CNOT3: variants seen among roughly 807,000 people sequenced by gnomAD.
CNOT3 encodes CCR4-NOT transcription complex subunit 3, also known as CCR4-associated factor 3.
CNOT3 carries 2 observed loss-of-function variants against 89.4 expected under a neutral mutation model. The ratio of observed to expected loss-of-function variants is 0.02; its 90% confidence interval spans 0.01 to 0.07. CNOT3 has a LOEUF of 0.07. CNOT3 is among the 10% of genes least tolerant of loss of function. The pLI is 1.00. For missense variants in CNOT3, 664 were observed against 1,010.2 expected (o/e 0.66, Z 4.65); for synonymous variants, 486 against 402.0 (o/e 1.21, Z -2.50).
chr19:54,155,305 C>T lies in CNOT3; in HGVS notation c.2164-4C>T. On this transcript the variant is annotated splice_polypyrimidine_tract_variant and splice_region_variant and intron_variant, in intron 17 of 17. Transcript: ENST00000221232. ...ACTCACTGACCGCCTTCTCCCCCGGCCAGGGCACCTACATCTACTTTGACT... is the reference window on the plus strand; with the variant it reads ...ACTCACTGACCGCCTTCTCCCCCGGTCAGGGCACCTACATCTACTTTGACT... 1 of 1,613,020 alleles carries T rather than the reference C, an allele frequency of 6.2e-7. No homozygotes were observed. Among genetic ancestry groups the T allele is most frequent in the Non-Finnish European group, 8.5e-7 (1 of 1,179,506 alleles).
rs2074615697 is a variant in CNOT3, at chr19:54,145,276, G to A, written c.484-322G>A. ...GGGCGGGCTCAGTTGAGAAATCTGGGCTGTCAGGTGAGGTGCAGATGGAGG... is the reference window on the plus strand; with the variant it reads ...GGGCGGGCTCAGTTGAGAAATCTGGACTGTCAGGTGAGGTGCAGATGGAGG... On this transcript the variant is annotated intron_variant, in intron 7 of 17. Coordinates refer to ENST00000221232, the MANE Select transcript of CNOT3 (RefSeq NM_014516.4). This position sits in a 1 kb window ranked among gnomAD's most constrained non-coding sequence, Gnocchi z 5.9. 6.6e-6 allele frequency among the ~76,000 whole-genome samples: 1 copy of A among 152,150 alleles called. No individual in the cohort carries two copies.
Position 54,137,910 on chromosome 19 carries a change from CCCGGGG to C in CNOT3, c.-132_-127del, listed in dbSNP as rs1353635458. ...CGCCGCTATCGCGATAGCGCCCGGG[CCCGGGG>C]CGCGAGAAAAAGGCGGCGGGCGCTC... On this transcript the variant is annotated 5_prime_UTR_variant, in exon 1 of 18. Transcript: ENST00000221232. The C allele has an allele frequency of 1.3e-5, 2 of 152,124 alleles. No individual in the cohort carries two copies. Among genetic ancestry groups the C allele is most frequent in the African/African-American group, 4.8e-5 (2 of 41,446 alleles). The allele number at this position is 152,124 out of a possible 1,614,324, so 9.4% of individuals were successfully genotyped here. A position where few individuals can be genotyped will look rare whatever the true frequency, so the allele number is the denominator to read the frequency against.
chr19:54,142,814 A>G, intron 1 of CNOT3, 115 bp from the exon 2 acceptor site: 1 of 691,882 alleles, frequency 1.4e-6, no homozygotes, highest in Non-Finnish European at 2.6e-6. Context: ...TCAGATAGCA[A>G]ATGCTTCTTC....
Position 54,144,853 on chromosome 19 carries a change from T to G in CNOT3, c.483+521T>G, listed in dbSNP as rs2074594835. On this transcript the variant is annotated intron_variant, in intron 7 of 17. Coordinates refer to ENST00000221232, the MANE Select transcript of CNOT3 (RefSeq NM_014516.4). The surrounding 1 kb of genome is among the most constrained non-coding windows in gnomAD (Gnocchi z 4.8). ...GGTATGAGTTCAAAGGGATACAAAC[T>G]GTACAGACTTGCTGAAACCAGAAAG... 6.6e-6 allele frequency among the ~76,000 whole-genome samples: 1 copy of G among 151,942 alleles called. No individual in the cohort carries two copies. Among genetic ancestry groups the G allele is most frequent in the South Asian group, 2.1e-4 (1 of 4,812 alleles).
In CNOT3 at chr19:54,146,677, G is replaced by C; in HGVS notation, c.894+20G>C. On this transcript the variant is annotated intron_variant, in intron 10 of 17. Transcript: ENST00000221232. ...AGCCAGGTGGGTGTGAGCCTGGACC[G>C]GGTGGGCACGCCATTCACTCCTCTG... The C allele has an allele frequency of 7.2e-7, 1 of 1,387,280 alleles. No homozygotes were observed. The allele number at this position is 1,387,280 out of a possible 1,614,324, so 85.9% of individuals were successfully genotyped here.
chr19:54,155,430 C>T lies in CNOT3; in HGVS notation c.*23C>T, dbSNP rs763276961. On this transcript the variant is annotated 3_prime_UTR_variant, in exon 18 of 18. Coordinates refer to ENST00000221232, the MANE Select transcript of CNOT3 (RefSeq NM_014516.4). The stretch of plus-strand genomic sequence containing the variant: ...TGACACCGGCCCCTCCCTCTACCCA[C>T]CCCCTTCCCCCGCATGCTGATCCCC... 6.1e-6 allele frequency: 9 copies of T among 1,474,018 alleles called. No individual in the cohort carries two copies. Among genetic ancestry groups the T allele is most frequent in the South Asian group, 3.6e-5 (3 of 83,012 alleles). 91.3% of individuals were successfully genotyped at this position (1,474,018 alleles called of 1,614,324 possible).
At position 54,145,590 on chromosome 19, in the gene CNOT3, G is replaced by T. The variant is rs767574789; in HGVS notation, c.484-8G>T. ...AGCCCCTGAGCCTGGCCCTGGGCTCGCCAGCAGAAGCAGGACCGGATTGAG... is the reference window on the plus strand; with the variant it reads ...AGCCCCTGAGCCTGGCCCTGGGCTCTCCAGCAGAAGCAGGACCGGATTGAG... On this transcript the variant is annotated splice_polypyrimidine_tract_variant and splice_region_variant and intron_variant, in intron 7 of 17. Transcript: ENST00000221232. The surrounding 1 kb of genome is among the most constrained non-coding windows in gnomAD (Gnocchi z 5.9). 2.5e-6 allele frequency: 4 copies of T among 1,610,074 alleles called. No individual in the cohort carries two copies. The highest frequency in any genetic ancestry group is 3.3e-5 in the Admixed American group (2 of 59,934).
At chr19:54,150,932 A>C (rs1298161274) in intron 13 of CNOT3, among the ~76,000 whole-genome samples, 1 of 151,992 alleles carries the variant, frequency 6.6e-6, no homozygotes, top group East Asian at 1.9e-4. Flanking sequence ...CTGGGATTAC[A>C]GGCGCCTGCC....
chr19:54,149,206 C>T (rs2074902589), intron 12 of CNOT3, among the ~76,000 whole-genome samples: 1 of 152,208 alleles, frequency 6.6e-6, no homozygotes, highest in South Asian at 2.1e-4. Flanking sequence ...AAAGGAAAGG[C>T]CTGCTTCCTG....
At position 54,147,227 on chromosome 19, in the gene CNOT3, C is replaced by T. The variant is rs140193109; in HGVS notation, c.894+570C>T. Among the ~76,000 whole-genome samples the T allele has an allele frequency of 1.8e-4, 28 of 152,350 alleles. No individual in the cohort carries two copies. In the East Asian group the frequency reaches 2.3e-3, roughly 13 times the overall value. ...TTTGACATCTCCCAGGACAGGAGCA[C>T]GCTTTCGGAAACGCTGCTACAGAAC... On this transcript the variant is annotated intron_variant, in intron 10 of 17. Transcript: ENST00000221232.
chr19:54,153,668 C>G (rs537749952), intron 16 of CNOT3, 47 bp from the exon 17 acceptor site: 1 of 1,527,256 alleles, frequency 6.5e-7, no homozygotes, highest in African/African-American at 1.4e-5. Context: ...GGCTCCCCAC[C>G]CAGTTTGGGG....
At chr19:54,146,525 GGCATT>G (rs1163243109) in intron 9 of CNOT3, 71 bp from the exon 10 acceptor site, 7 of 806,196 alleles carry the variant, frequency 8.7e-6, no homozygotes, top group Middle Eastern at 2.2e-4. Context: ...AGGTCCCCGG[GGCATT>G]CAGAGATTGG....
chr19:54,145,817 C>T lies in CNOT3; in HGVS notation c.703C>T (p.Pro235Ser), dbSNP rs375948136. Reference sequence around the variant, plus strand: ...CGATGACCTGGACCTCGAGGACATTCGTGAGGCCCTGGGGCTGATCGTGGC... The same window carrying T: ...CGATGACCTGGACCTCGAGGACATTTGTGAGGCCCTGGGGCTGATCGTGGC... ...LYDDLDLEDI[P>S]QALVATSPPS... Residue 235 changes from proline to serine, a missense_variant and splice_region_variant, in exon 8 of 18, where the codon CCA (proline) becomes TCA (serine). Physicochemically the swap from Pro to Ser is moderately conservative, Grantham distance 74. Transcript: ENST00000221232. The surrounding 1 kb of genome is among the most constrained non-coding windows in gnomAD (Gnocchi z 5.9). The T allele has an allele frequency of 3.1e-6, 5 of 1,610,744 alleles. No individual in the cohort carries two copies. The highest frequency in any genetic ancestry group is 4.2e-6 in the Non-Finnish European group (5 of 1,177,368).
intron 5 of CNOT3, 74 bp from the exon 6 acceptor site, chr19:54,143,932 C>T (rs1246602804): frequency 9.6e-6 from 15 of 1,564,152 alleles, no homozygotes; most frequent in Middle Eastern, 3.4e-4. Context: ...AGGCTCAGGT[C>T]GGAGTGTCTG....
At chr19:54,153,064 C>G in intron 16 of CNOT3, 65 bp downstream of exon 16, 2 of 1,542,780 alleles carry the variant, frequency 1.3e-6, no homozygotes, top group Non-Finnish European at 8.9e-7. Context: ...GCCGTCCCCC[C>G]TCGGGCTGGA....
intron 3 of CNOT3, 98 bp from the exon 4 acceptor site, chr19:54,143,344 G>GC (rs1337581045): frequency 1.5e-6 from 2 of 1,347,636 alleles, no homozygotes; most frequent in African/African-American, 1.4e-5. Context: ...GTAGGGGTTG[G>GC]GGGGGGTCCT....
rs779560502 is a variant in CNOT3, at chr19:54,154,085, C to T, written c.2163+245C>T. On this transcript the variant is annotated intron_variant, in intron 17 of 17. Transcript: ENST00000221232. ...CCAAATGTCCCTTCCTCAAAGAAAC[C>T]TTCCTGGAGCCACCCAGCCCAGTGC... 9 of 695,968 alleles carry T rather than the reference C, an allele frequency of 1.3e-5. No homozygotes were observed. The South Asian group carries it at 1.4e-4, about 10-fold the overall frequency. 43.1% of individuals were successfully genotyped at this position (695,968 alleles called of 1,614,324 possible). A position where few individuals can be genotyped will look rare whatever the true frequency, so the allele number is the denominator to read the frequency against.
At chr19:54,153,144 T>C (rs774043165) in intron 16 of CNOT3, 145 bp downstream of exon 16, 2 of 774,904 alleles carry the variant, frequency 2.6e-6, no homozygotes, top group Non-Finnish European at 4.7e-6. Flanking sequence ...CCTGGGCCCC[T>C]GCCCCAAATC....
rs1405260334 is a variant in CNOT3, at chr19:54,144,722, G to A, written c.483+390G>A. Among the ~76,000 whole-genome samples the A allele has an allele frequency of 6.6e-6, 1 of 152,202 alleles. No individual in the cohort carries two copies. The highest frequency in any genetic ancestry group is 2.4e-5 in the African/African-American group (1 of 41,444). ...TCCTAGGGAGAGCACAGTGGGTAGA[G>A]ACAAGGCAGAACATGGAGAAGGCAG... On this transcript the variant is annotated intron_variant, in intron 7 of 17. Transcript: ENST00000221232. The surrounding 1 kb of genome is among the most constrained non-coding windows in gnomAD (Gnocchi z 4.8).
Sources: allele counts gnomAD v4.1 joint callset (sites outside exome capture counted in the v4.1 genomes callset), GRCh38; gene constraint gnomAD v4.1.1; non-coding constraint Gnocchi (gnomAD v3.1); transcripts MANE v1.5; gene names NCBI Gene and HGNC (gene_info 2026-07-23, HGNC 2026-07-21).